ARF4: variants seen among roughly 807,000 people sequenced by gnomAD.
ARF4 encodes ARF GTPase 4, also known as ADP-ribosylation factor 4.
A neutral mutation model predicts 24.3 loss-of-function variants in ARF4; 5 were observed. The observed-to-expected ratio is 0.21, with a 90% CI of 0.11 to 0.43. The LOEUF (loss-of-function observed/expected upper bound fraction) is 0.43. ARF4 is among the 20% of genes least tolerant of loss of function. ARF4 has a pLI of 1.00. For synonymous variants in ARF4, 62 were observed against 73.5 expected (o/e 0.84, Z 0.80); for missense variants, 107 against 213.0 (o/e 0.50, Z 3.10).
chr3:57,573,944 TTTG>T (rs1559782141), intron 5 of ARF4, among the ~76,000 whole-genome samples: 370 of 148,218 alleles, frequency 2.5e-3, no homozygotes, highest in Non-Finnish European at 4.4e-3. Flanking sequence ...TTTTTTTTTG[TTTG>T]TTTGTTTGTT....
At chr3:57,580,774 CTT>C (rs113791293) in intron 3 of ARF4, among the ~76,000 whole-genome samples, 19 of 140,712 alleles carry the variant, frequency 1.4e-4, no homozygotes, top group Non-Finnish European at 7.7e-5. Flanking sequence ...CATTTTTATT[CTT>C]TTTTTTTTTT....
At chr3:57,583,204 A>G (rs2069997067) in intron 3 of ARF4, among the ~76,000 whole-genome samples, 1 of 152,196 alleles carries the variant, frequency 6.6e-6, no homozygotes, top group Admixed American at 6.5e-5. Context: ...GCTAGGACCT[A>G]TGGACTCAAT....
chr3:57,577,202 A>G (rs2069916547), intron 4 of ARF4, 114 bp downstream of exon 4: 3 of 829,410 alleles, frequency 3.6e-6, no homozygotes, highest in Admixed American at 4.7e-5. Context: ...GTTTATTTCT[A>G]GCCCCCCCAA....
chr3:57,577,338 A>G lies in ARF4; in HGVS notation c.308T>C (p.Val103Ala), dbSNP rs1380540189. The G allele has an allele frequency of 1.2e-6, 2 of 1,613,748 alleles. No homozygotes were observed. Among genetic ancestry groups the G allele is most frequent in the East Asian group, 2.2e-5 (1 of 44,812 alleles). Reference protein sequence around the residue: ...DSNDRERIQEVADELQKMLLV... With the variant: ...DSNDRERIQEAADELQKMLLV... ...TACCATTTTCTGCAGCTCATCTGCT[A>G]CTTCCTGAATTCTTTCACGATCGTT... is the stretch of plus-strand genomic sequence containing the variant. Residue 103 changes from valine (V) to alanine (A), a missense_variant, in exon 4 of 6, where the codon GTA (valine) becomes GCA (alanine). Physicochemically the swap from Val to Ala is moderately conservative, Grantham distance 64. Transcript: ENST00000303436.
intron 1 of ARF4, among the ~76,000 whole-genome samples, chr3:57,589,068 C>T (rs2070072629): frequency 1.3e-5 from 2 of 150,716 alleles, no homozygotes; most frequent in African/African-American, 2.4e-5. Context: ...CGCCATTACA[C>T]TCCAACCTGG....
At chr3:57,588,095 A>T (rs1179787386) in intron 1 of ARF4, among the ~76,000 whole-genome samples, 9 of 152,212 alleles carry the variant, frequency 5.9e-5, no homozygotes, top group Non-Finnish European at 1.2e-4. Context: ...CAAAATGAAA[A>T]CTATTACCAA....
At chr3:57,579,293 T>C in intron 3 of ARF4, among the ~76,000 whole-genome samples, 1 of 137,652 alleles carries the variant, frequency 7.3e-6, no homozygotes, top group South Asian at 2.5e-4. Flanking sequence ...TTACATCCAC[T>C]AAGGGCAAAG....
rs2069844415 is a variant in ARF4, at chr3:57,571,692, AATGT to A, written c.*516_*519del. 1 of 153,078 alleles carries A rather than the reference AATGT, an allele frequency of 6.5e-6. No individual in the cohort carries two copies. Among genetic ancestry groups the A allele is most frequent in the African/African-American group, 2.4e-5 (1 of 41,462 alleles). 9.5% of individuals were successfully genotyped at this position (153,078 alleles called of 1,614,324 possible). A position where few individuals can be genotyped will look rare whatever the true frequency, so the allele number is the denominator to read the frequency against. ...GTTTGGCTGATGTAGGCCAGGAGTC[AATGT>A]AGGGGGAAAAATTTCCTCAGTGCAA... is the stretch of plus-strand genomic sequence containing the variant. On this transcript the variant is annotated 3_prime_UTR_variant, in exon 6 of 6. Coordinates refer to ENST00000303436, the MANE Select transcript of ARF4 (RefSeq NM_001660.4).
intron 5 of ARF4, among the ~76,000 whole-genome samples, chr3:57,574,786 T>C (rs922183071): frequency 3.3e-5 from 5 of 152,004 alleles, no homozygotes; most frequent in Non-Finnish European, 5.9e-5. Flanking sequence ...TAGGCTGAGA[T>C]AGTGAGAGGA....
chr3:57,578,992 C>T (rs2153408636), intron 3 of ARF4, among the ~76,000 whole-genome samples: 1 of 152,184 alleles, frequency 6.6e-6, no homozygotes, highest in East Asian at 1.9e-4. Flanking sequence ...TTGTCTTGCA[C>T]TACTGATTTA....
intron 1 of ARF4, among the ~76,000 whole-genome samples, chr3:57,588,771 A>G (rs1342365778): frequency 7.0e-6 from 1 of 142,956 alleles, no homozygotes; most frequent in Non-Finnish European, 1.5e-5. Context: ...AGCCTGGACA[A>G]CATGGCAAAA....
At chr3:57,588,828 C>T in intron 1 of ARF4, among the ~76,000 whole-genome samples, 1 of 150,874 alleles carries the variant, frequency 6.6e-6, no homozygotes, top group Non-Finnish European at 1.5e-5. Flanking sequence ...GTGAGTGAGG[C>T]ACAGTGGCTC....
At chr3:57,577,030 A>T (rs1402100271) in intron 4 of ARF4, among the ~76,000 whole-genome samples, 2 of 151,796 alleles carry the variant, frequency 1.3e-5, no homozygotes, top group Non-Finnish European at 2.9e-5. Flanking sequence ...AGAGATAGGC[A>T]TCAAGATTAC....
chr3:57,587,828 A>G (rs1181451500), intron 1 of ARF4, among the ~76,000 whole-genome samples: 1 of 152,214 alleles, frequency 6.6e-6, no homozygotes, highest in Non-Finnish European at 1.5e-5. Flanking sequence ...TTACAAGACA[A>G]CAGTTTAATG....
chr3:57,590,862 G>A (rs1246687281), intron 1 of ARF4, among the ~76,000 whole-genome samples: 4 of 152,046 alleles, frequency 2.6e-5, no homozygotes, highest in Admixed American at 6.6e-5. Flanking sequence ...AAATTTTTTT[G>A]TAGAGATGAG....
intron 1 of ARF4, among the ~76,000 whole-genome samples, chr3:57,586,096 T>C (rs1053815288): frequency 6.6e-6 from 1 of 152,176 alleles, no homozygotes; most frequent in Admixed American, 6.6e-5. Flanking sequence ...ATTAAATGCT[T>C]GTAAGTATGA....
intron 3 of ARF4, among the ~76,000 whole-genome samples, chr3:57,578,128 A>C (rs1240385457): frequency 6.6e-6 from 1 of 152,170 alleles, no homozygotes; most frequent in Non-Finnish European, 1.5e-5. Flanking sequence ...AGAGTAATAA[A>C]AGGGGGGTGG....
chr3:57,588,489 C>A (rs1475562414), intron 1 of ARF4, among the ~76,000 whole-genome samples: 1 of 152,118 alleles, frequency 6.6e-6, no homozygotes, highest in Non-Finnish European at 1.5e-5. Context: ...AGGTGGATGA[C>A]CTGAGCTCAG....
chr3:57,595,088 T>TA (rs1367860965), intron 1 of ARF4, among the ~76,000 whole-genome samples: 8 of 152,168 alleles, frequency 5.3e-5, no homozygotes, highest in African/African-American at 1.2e-4. Flanking sequence ...TGCAGAAACT[T>TA]AAATATTTTT....
Sources: allele counts gnomAD v4.1 joint callset (sites outside exome capture counted in the v4.1 genomes callset), GRCh38; gene constraint gnomAD v4.1.1; transcripts MANE v1.5; gene names NCBI Gene and HGNC (gene_info 2026-07-23, HGNC 2026-07-21).